Variants in DACH1 observed in about 807,000 individuals in gnomAD.
The protein encoded by DACH1 is dachshund family transcription factor 1.
In DACH1, 12 loss-of-function variants were observed where a neutral mutation model predicts 54.2. The observed-to-expected ratio is 0.22, with a 90% confidence interval of 0.14 to 0.36. The LOEUF is 0.36. Among genes scored for constraint, DACH1 ranks in the 10% least tolerant of loss-of-function variants. The probability of loss-of-function intolerance (pLI) is 1.00; values close to 1 mark genes in which losing one functional copy is unlikely to be tolerated. For synonymous variants in DACH1, 386 were observed against 366.2 expected (o/e 1.05, Z -0.62); for missense variants, 805 against 929.8 (o/e 0.87, Z 1.75).
At chr13:71,769,491 A>T (rs73525444) in intron 1 of DACH1, among the ~76,000 whole-genome samples, 1 of 151,706 alleles carries the variant, frequency 6.6e-6, no homozygotes, top group African/African-American at 2.4e-5. Context: ...CCAGGATGAG[A>T]CCAATAAATC....
intron 1 of DACH1, among the ~76,000 whole-genome samples, chr13:71,839,475 C>T (rs1342242803): frequency 3.3e-5 from 5 of 151,854 alleles, no homozygotes; most frequent in Non-Finnish European, 5.9e-5. Flanking sequence ...GGTGTGGTGG[C>T]GGGCGCCTGT....
chr13:71,682,106 C>T (rs1321310001), intron 1 of DACH1, among the ~76,000 whole-genome samples, 196 bp from the exon 2 acceptor site: 1 of 152,184 alleles, frequency 6.6e-6, no homozygotes, highest in Non-Finnish European at 1.5e-5. Flanking sequence ...ATCAGCCACT[C>T]CTGATGCATA....
At chr13:71,700,970 C>A (rs999525636) in intron 1 of DACH1, among the ~76,000 whole-genome samples, 17 of 151,982 alleles carry the variant, frequency 1.1e-4, no homozygotes, top group Non-Finnish European at 2.1e-4. Flanking sequence ...GAACCTTTCC[C>A]CAATTATAGA....
intron 2 of DACH1, among the ~76,000 whole-genome samples, chr13:71,632,410 C>T (rs1268113205): frequency 6.9e-6 from 1 of 144,198 alleles, no homozygotes; most frequent in Non-Finnish European, 1.5e-5. Context: ...ATCCCCAACC[C>T]CACCCATTTT....
chr13:71,795,278 C>A (rs1307069315), intron 1 of DACH1, among the ~76,000 whole-genome samples: 2 of 152,120 alleles, frequency 1.3e-5, no homozygotes, highest in African/African-American at 4.8e-5. Flanking sequence ...GGAGTAAATT[C>A]ACATTTCTAA....
At chr13:71,533,197 G>A (rs571074360) in intron 6 of DACH1, among the ~76,000 whole-genome samples, 5 of 151,884 alleles carry the variant, frequency 3.3e-5, no homozygotes, top group African/African-American at 1.2e-4. Context: ...TCTTCAAAGC[G>A]TATAAGATTT....
chr13:71,697,691 T>C (rs1881901085), intron 1 of DACH1, among the ~76,000 whole-genome samples: 1 of 152,170 alleles, frequency 6.6e-6, no homozygotes, highest in Non-Finnish European at 1.5e-5. Flanking sequence ...TAGTCCAGGG[T>C]TCTAGATTAT....
chr13:71,464,574 G>A (rs1157587237), intron 10 of DACH1: 1 of 434,826 alleles, frequency 2.3e-6, no homozygotes, highest in Non-Finnish European at 4.6e-6. Context: ...AAATTCCTTT[G>A]AAAGATTAAT....
intron 3 of DACH1, among the ~76,000 whole-genome samples, chr13:71,598,034 G>T (rs1402154737): frequency 3.3e-5 from 5 of 150,668 alleles, no homozygotes; most frequent in African/African-American, 1.2e-4. Flanking sequence ...GAGCCCAGAG[G>T]GCTCCTCTCC....
At chr13:71,837,603 G>A (rs936386109) in intron 1 of DACH1, among the ~76,000 whole-genome samples, 44 of 152,176 alleles carry the variant, frequency 2.9e-4, no homozygotes, top group African/African-American at 7.7e-4. Context: ...TTATTAAAGC[G>A]AAGGAATGAT....
intron 1 of DACH1, among the ~76,000 whole-genome samples, chr13:71,754,646 G>T (rs917260764): frequency 1.1e-4 from 16 of 151,940 alleles, no homozygotes; most frequent in African/African-American, 3.9e-4. Flanking sequence ...ATACCCCAGG[G>T]TGTCTCACAT....
chr13:71,853,619 A>G (rs1000876693), intron 1 of DACH1, among the ~76,000 whole-genome samples: 1 of 152,214 alleles, frequency 6.6e-6, no homozygotes, highest in Admixed American at 6.5e-5. Context: ...TGGAGCTCTA[A>G]GAACCCAGGT....
chr13:71,658,287 T>G (rs941065861), intron 2 of DACH1, among the ~76,000 whole-genome samples: 1 of 152,222 alleles, frequency 6.6e-6, no homozygotes, highest in Non-Finnish European at 1.5e-5. Flanking sequence ...CTGTGGCTCA[T>G]GCCTGTAATC....
intron 10 of DACH1, among the ~76,000 whole-genome samples, chr13:71,442,189 C>G (rs116953450): frequency 0.011 from 1,682 of 152,218 alleles, 16 homozygotes; most frequent in Middle Eastern, 0.037. Flanking sequence ...CCACTCTCCT[C>G]ACTAACCTTC....
chr13:71,549,993 T>C lies in DACH1; in HGVS notation c.1570+7031A>G, dbSNP rs182994899. On this transcript the variant is annotated intron_variant, in intron 6 of 10. Transcript: ENST00000613252. ...TAAAATAGCTGATTAATGTAGTTAA[T>C]TTAGCAATTTTTTCCTCCAAAACTG... 3.0e-3 allele frequency among the ~76,000 whole-genome samples: 460 copies of C among 152,304 alleles called. 2 individuals carry two copies. Among genetic ancestry groups the C allele is most frequent in the Non-Finnish European group, 4.9e-3 (330 of 68,022 alleles).
At chr13:71,748,896 TTC>T (rs10587621) in intron 1 of DACH1, among the ~76,000 whole-genome samples, 5,036 of 63,282 alleles carry the variant, frequency 0.08, 247 homozygotes, top group African/African-American at 0.24. Flanking sequence ...CTTTCTTTCT[TTC>T]TCTTTCTTTC....
intron 1 of DACH1, among the ~76,000 whole-genome samples, chr13:71,754,783 C>T (rs531581736): frequency 4.0e-5 from 6 of 148,892 alleles, no homozygotes; most frequent in Admixed American, 1.3e-4. Flanking sequence ...CTCTGCAAAA[C>T]GTAAAAAACG....
chr13:71,480,699 C>T (rs78301071), intron 7 of DACH1, among the ~76,000 whole-genome samples: 2,145 of 152,216 alleles, frequency 0.014, 46 homozygotes, highest in African/African-American at 0.048. Context: ...ATGTGACTCC[C>T]TTGCAAGAAG....
At chr13:71,588,177 A>T (rs1277477981) in intron 3 of DACH1, among the ~76,000 whole-genome samples, 2 of 152,112 alleles carry the variant, frequency 1.3e-5, no homozygotes. Context: ...TTTATTAAAG[A>T]TGTGGATATG....
Sources: allele counts gnomAD v4.1 joint callset (sites outside exome capture counted in the v4.1 genomes callset), GRCh38; gene constraint gnomAD v4.1.1; transcripts MANE v1.5; gene names NCBI Gene and HGNC (gene_info 2026-07-23, HGNC 2026-07-21).